The following ATP8A2 variants were observed in gnomAD, a reference collection of about 807,000 sequenced individuals.
ATP8A2 encodes the protein phospholipid-transporting ATPase IB.
Under a neutral mutation model 165.6 loss-of-function variants are expected in ATP8A2, and 100 were observed. That is an observed-to-expected ratio of 0.60 (90% confidence interval 0.51 to 0.71). The LOEUF is 0.71. ATP8A2 is among the 30% of genes least tolerant of loss of function. The pLI is 0.00. For synonymous variants in ATP8A2, 543 were observed against 548.8 expected, an observed-to-expected ratio of 0.99 and a Z score of 0.15; for missense variants, 1,227 against 1,479.5, an observed-to-expected ratio of 0.83 and a Z score of 2.80.
chr13:25,927,360 G>C, intron 33 of ATP8A2: 1 of 357,382 alleles, frequency 2.8e-6, no homozygotes, highest in East Asian at 7.5e-5. Flanking sequence ...AATCAGGTTT[G>C]ACTTTTGGGG....
chr13:25,666,117 A>G (rs1351722454), intron 24 of ATP8A2, among the ~76,000 whole-genome samples: 1 of 151,900 alleles, frequency 6.6e-6, no homozygotes, highest in Non-Finnish European at 1.5e-5. Context: ...TAATTTAGGT[A>G]TTTATACTCC....
intron 1 of ATP8A2, among the ~76,000 whole-genome samples, chr13:25,379,115 G>A (rs973174452): frequency 2.0e-5 from 3 of 152,150 alleles, no homozygotes; most frequent in African/African-American, 7.2e-5. Flanking sequence ...TGATTCAGAG[G>A]TTTTGCATTC....
intron 26 of ATP8A2, among the ~76,000 whole-genome samples, chr13:25,771,084 GA>G (rs1234290783): frequency 6.6e-6 from 1 of 152,226 alleles, no homozygotes; most frequent in Non-Finnish European, 1.5e-5. Flanking sequence ...TCCTGGCTCT[GA>G]AAAGTGCATG....
At chr13:25,917,423 T>C (rs549205936) in intron 33 of ATP8A2, among the ~76,000 whole-genome samples, 1 of 152,378 alleles carries the variant, frequency 6.6e-6, no homozygotes, top group African/African-American at 2.4e-5. Context: ...ACAGTAGTAG[T>C]TGTTTTGCAT....
At chr13:25,784,698 C>G (rs936515726) in intron 27 of ATP8A2, among the ~76,000 whole-genome samples, 1 of 152,120 alleles carries the variant, frequency 6.6e-6, no homozygotes, top group East Asian at 1.9e-4. Flanking sequence ...TCTTATCCAA[C>G]TGAAATCTTT....
At chr13:25,428,087 G>A (rs2034502336) in intron 1 of ATP8A2, among the ~76,000 whole-genome samples, 1 of 152,068 alleles carries the variant, frequency 6.6e-6, no homozygotes, top group African/African-American at 2.4e-5. Context: ...AGCAGGCTTA[G>A]GTGGAAGGAT....
chr13:25,523,258 AGG>A (rs1407199860), intron 2 of ATP8A2, among the ~76,000 whole-genome samples: 23 of 150,344 alleles, frequency 1.5e-4, no homozygotes, highest in African/African-American at 4.9e-4. Context: ...TTTTTTTTCA[AGG>A]CTTTAGGATA....
chr13:26,014,557 G>A (rs931418382), intron 36 of ATP8A2, among the ~76,000 whole-genome samples: 1 of 152,058 alleles, frequency 6.6e-6, no homozygotes, highest in African/African-American at 2.4e-5. Flanking sequence ...AGGCCTGTGG[G>A]TCCCTACCTA....
At chr13:25,645,637 T>C (rs2041652987) in intron 24 of ATP8A2, among the ~76,000 whole-genome samples, 1 of 152,204 alleles carries the variant, frequency 6.6e-6, no homozygotes, top group South Asian at 2.1e-4. Flanking sequence ...TGTTTCAATA[T>C]ATTTTTAAAT....
At chr13:25,452,893 G>A (rs1384423505) in intron 1 of ATP8A2, among the ~76,000 whole-genome samples, 1 of 151,964 alleles carries the variant, frequency 6.6e-6, no homozygotes, top group Non-Finnish European at 1.5e-5. Flanking sequence ...CCAGGTGTTT[G>A]AGACCAGCCT....
chr13:25,832,614 A>G (rs1951508313), intron 28 of ATP8A2, among the ~76,000 whole-genome samples: 1 of 152,240 alleles, frequency 6.6e-6, no homozygotes, highest in East Asian at 1.9e-4. Context: ...CCATCAGCAG[A>G]TGCTACAAAA....
chr13:25,600,956 A>T (rs1565969056), intron 24 of ATP8A2, among the ~76,000 whole-genome samples: 1 of 152,252 alleles, frequency 6.6e-6, no homozygotes, highest in Non-Finnish European at 1.5e-5. Context: ...GGTCTATTCC[A>T]TAAAAGTCAG....
chr13:25,725,714 T>G (rs1232812862), intron 25 of ATP8A2, among the ~76,000 whole-genome samples: 1 of 152,220 alleles, frequency 6.6e-6, no homozygotes, highest in African/African-American at 2.4e-5. Context: ...TGACCCTGCC[T>G]TGTTGAATGC....
intron 32 of ATP8A2, among the ~76,000 whole-genome samples, chr13:25,861,136 A>G (rs939815162): frequency 6.6e-6 from 1 of 152,220 alleles, no homozygotes; most frequent in Non-Finnish European, 1.5e-5. Flanking sequence ...TATTATACAC[A>G]CACATATATG....
chr13:25,401,630 A>T (rs775096383), intron 1 of ATP8A2, among the ~76,000 whole-genome samples: 6 of 152,146 alleles, frequency 3.9e-5, no homozygotes, highest in Non-Finnish European at 7.4e-5. Context: ...TTCAGGAGGG[A>T]AAAAGCAGTA....
intron 27 of ATP8A2, among the ~76,000 whole-genome samples, chr13:25,807,052 T>C (rs533143931): frequency 6.6e-6 from 1 of 152,282 alleles, no homozygotes; most frequent in African/African-American, 2.4e-5. Context: ...CTATAAGTGT[T>C]CTTTATGTAA....
intron 1 of ATP8A2, among the ~76,000 whole-genome samples, chr13:25,419,906 A>T (rs6491051): frequency 0.42 from 63,132 of 152,080 alleles, 14,823 homozygotes; most frequent in East Asian, 0.6. Flanking sequence ...GACAATGCAC[A>T]TGCAGGCAGT....
chr13:25,760,825 T>G (rs535931847), intron 25 of ATP8A2, among the ~76,000 whole-genome samples: 23 of 152,328 alleles, frequency 1.5e-4, no homozygotes, highest in African/African-American at 4.1e-4. Context: ...AAAGTTGAGT[T>G]ATAAAGAATC....
At position 25,741,795 on chromosome 13, in the gene ATP8A2, C is replaced by T. The variant is rs575702130; in HGVS notation, c.2385-27251C>T. ...GAATTTGGGGGAAGGGTGCTGGACC[C>T]AGAAAATTGGGTTCTGGGGCAGTAT... On this transcript the variant is annotated intron_variant, in intron 25 of 36. Transcript: ENST00000381655. 2.6e-5 allele frequency among the ~76,000 whole-genome samples: 4 copies of T among 152,254 alleles called. No homozygotes were observed. In the South Asian group the frequency reaches 8.3e-4, roughly 32 times the overall value.
Sources: allele counts gnomAD v4.1 joint callset (sites outside exome capture counted in the v4.1 genomes callset), GRCh38; gene constraint gnomAD v4.1.1; transcripts MANE v1.5; gene names NCBI Gene and HGNC (gene_info 2026-07-23, HGNC 2026-07-21).